RC3H2: variants seen among roughly 807,000 people sequenced by gnomAD.
RC3H2 encodes ring finger and CCCH-type domains 2.
A neutral mutation model predicts 133.3 loss-of-function variants in RC3H2; 31 were observed. The ratio of observed to expected loss-of-function variants is 0.23; its 90% CI spans 0.17 to 0.31. The LOEUF is 0.31. Among genes scored for constraint, RC3H2 ranks in the 10% least tolerant of loss-of-function variants. The pLI is 1.00. For missense variants in RC3H2, 1,175 were observed against 1,437.2 expected (o/e 0.82, Z 2.95); for synonymous variants, 517 against 502.2 (o/e 1.03, Z -0.40).
rs1220680871 is a variant in RC3H2, at chr9:122,860,126, A to G, written c.1640T>C (p.Ile547Thr). ...TACAGGAGTCTTGGGTGGAGAACCA[A>G]TTTTACTGGAGAGAAAATTTAACAA... ...PSADSVTENK[I>T]GSPPKTPVSN... The change falls in exon 11 of 21, where the codon ATT (isoleucine) becomes ACT (threonine). Residue 547 changes from isoleucine to threonine, a missense_variant. By Grantham distance (89) the Ile-to-Thr change is moderately conservative. Around this residue, in one of 8 missense-constraint regions of RC3H2, gnomAD observed 490 missense variants for 492.8 expected, o/e 0.99. Transcript: ENST00000357244. 7 of 1,613,006 alleles carry G rather than the reference A, an allele frequency of 4.3e-6. No individual in the cohort carries two copies. Among genetic ancestry groups the G allele is most frequent in the African/African-American group, 1.3e-5 (1 of 74,882 alleles).
chr9:122,866,027 G>C (rs1288302165), intron 9 of RC3H2, among the ~76,000 whole-genome samples: 1 of 152,080 alleles, frequency 6.6e-6, no homozygotes, highest in Non-Finnish European at 1.5e-5. Context: ...AAAAATGACA[G>C]GAACTGGCAA....
intron 9 of RC3H2, among the ~76,000 whole-genome samples, chr9:122,873,345 A>G (rs543751788): frequency 2.5e-4 from 38 of 152,296 alleles, no homozygotes; most frequent in African/African-American, 9.1e-4. Flanking sequence ...TAAGAACTGT[A>G]TATTATTTGC....
chr9:122,874,119 AGAG>A (rs1443231640), intron 9 of RC3H2: 6 of 152,236 alleles, frequency 3.9e-5, no homozygotes, highest in South Asian at 2.1e-4. Flanking sequence ...ATCCAGATAA[AGAG>A]GAGAGAGAAA....
At chr9:122,872,745 C>T (rs1004543784) in intron 9 of RC3H2, among the ~76,000 whole-genome samples, 4 of 152,092 alleles carry the variant, frequency 2.6e-5, no homozygotes, top group African/African-American at 9.7e-5. Context: ...CCACCATGCC[C>T]GGCTAATTTT....
At chr9:122,872,008 G>A (rs1831124229) in intron 9 of RC3H2, among the ~76,000 whole-genome samples, 1 of 151,898 alleles carries the variant, frequency 6.6e-6, no homozygotes, top group South Asian at 2.1e-4. Flanking sequence ...AAACTCCTGA[G>A]CTCAAGTGAT....
At chr9:122,870,735 C>A (rs1831049904) in intron 9 of RC3H2, among the ~76,000 whole-genome samples, 1 of 152,144 alleles carries the variant, frequency 6.6e-6, no homozygotes, top group South Asian at 2.1e-4. Context: ...CTTTTTAAAT[C>A]CCTTCTTACC....
At chr9:122,888,348 T>C (rs1564313496) in intron 4 of RC3H2, among the ~76,000 whole-genome samples, 1 of 152,216 alleles carries the variant, frequency 6.6e-6, no homozygotes, top group Non-Finnish European at 1.5e-5. Flanking sequence ...ATTTAAAAAA[T>C]ATTTAAAGTT....
At chr9:122,852,936 GA>G (rs1830107183) in intron 18 of RC3H2, among the ~76,000 whole-genome samples, 1 of 152,200 alleles carries the variant, frequency 6.6e-6, no homozygotes, top group Non-Finnish European at 1.5e-5. Context: ...TTGTGGAATA[GA>G]AAGGGGGGAA....
intron 4 of RC3H2, among the ~76,000 whole-genome samples, chr9:122,883,784 C>A (rs1831762169): frequency 6.6e-6 from 1 of 151,908 alleles, no homozygotes; most frequent in South Asian, 2.1e-4. Context: ...GAGTTTGAGA[C>A]CAGTTTGGGT....
At position 122,905,294 on chromosome 9, in the gene RC3H2, C is replaced by T. The variant is rs989330675; in HGVS notation, c.-252G>A. The T allele has an allele frequency of 9.1e-6, 9 of 985,588 alleles. No individual in the cohort carries two copies. The highest frequency in any genetic ancestry group is 1.1e-5 in the Non-Finnish European group (9 of 830,030). The allele number at this position is 985,588 out of a possible 1,614,324, so 61.1% of individuals were successfully genotyped here. ...GGCGAAGGCCGCGACGGGGCCTCCT[C>T]CTCCTCCCTCCACCTCCGCCTCCTC... On this transcript the variant is annotated 5_prime_UTR_variant, in exon 1 of 21. Transcript: ENST00000357244.
intron 9 of RC3H2, among the ~76,000 whole-genome samples, chr9:122,875,716 C>T (rs1403295561): frequency 6.6e-6 from 1 of 152,144 alleles, no homozygotes; most frequent in African/African-American, 2.4e-5. Context: ...AAAGGCAAGG[C>T]TAGGAGTAAC....
At position 122,854,254 on chromosome 9, in the gene RC3H2, A is replaced by G. The variant is rs1452198182; in HGVS notation, c.2913T>C (p.Ile971=). Residue 971 remains isoleucine, a synonymous_variant, in exon 17 of 21, where the codon ATT becomes ATC. Transcript: ENST00000357244. ...SAHYVERDRF[I]VTDLSGHRKH... ...TTCTATGACCAGATAAATCAGTAAC[A>G]ATGAATCTGTCCCTTTAAAGAGAAA... The G allele has an allele frequency of 1.4e-5, 22 of 1,612,364 alleles. No homozygotes were observed. The highest frequency in any genetic ancestry group is 1.9e-5 in the Non-Finnish European group (22 of 1,179,026).
intron 1 of RC3H2, among the ~76,000 whole-genome samples, chr9:122,901,856 T>C (rs1379198949): frequency 1.3e-5 from 2 of 151,832 alleles, no homozygotes; most frequent in African/African-American, 4.8e-5. Flanking sequence ...CCCAAAGTCC[T>C]GGGATTACAG....
At chr9:122,870,548 G>A (rs1167851386) in intron 9 of RC3H2, among the ~76,000 whole-genome samples, 1 of 152,206 alleles carries the variant, frequency 6.6e-6, no homozygotes, top group African/African-American at 2.4e-5. Context: ...CAAGTGACAA[G>A]TAGGGATATA....
At chr9:122,866,485 G>GGCTCACTGCAACCTCCCT (rs572079044) in intron 9 of RC3H2, among the ~76,000 whole-genome samples, 3,265 of 150,910 alleles carry the variant, frequency 0.022, 61 homozygotes, top group Non-Finnish European at 0.035. Flanking sequence ...CTGCCATCTC[G>GGCTCACTGCAACCTCCCT]GCTCACTGCA....
intron 18 of RC3H2, among the ~76,000 whole-genome samples, chr9:122,851,806 G>T: frequency 6.6e-6 from 1 of 152,218 alleles, no homozygotes; most frequent in Non-Finnish European, 1.5e-5. Flanking sequence ...GTGCTCAATG[G>T]CGCCCAGGCT....
chr9:122,902,518 G>A (rs1832695422), intron 1 of RC3H2, among the ~76,000 whole-genome samples: 1 of 152,094 alleles, frequency 6.6e-6, no homozygotes, highest in African/African-American at 2.4e-5. Flanking sequence ...TATAATCCGA[G>A]TAATTTTTAA....
chr9:122,892,460 G>A (rs1367903833), intron 3 of RC3H2, among the ~76,000 whole-genome samples: 1 of 151,624 alleles, frequency 6.6e-6, no homozygotes, highest in Non-Finnish European at 1.5e-5. Context: ...GCCCCAGGCT[G>A]GAGTGCAGTG....
In RC3H2 at chr9:122,846,835, C is replaced by T. The variant is rs1027952084; in HGVS notation, c.*2792G>A. ...TAGGTCTGATTTGTAACATTTTCCT[C>T]GATGATATCAGTAGGTACCATTCTG... On this transcript the variant is annotated 3_prime_UTR_variant, in exon 21 of 21. Coordinates refer to ENST00000357244, the MANE Select transcript of RC3H2 (RefSeq NM_001100588.3). The T allele has an allele frequency of 4.6e-5, 7 of 152,056 alleles. No individual in the cohort carries two copies. The highest frequency in any genetic ancestry group is 2.6e-4 in the Admixed American group (4 of 15,270). The allele number at this position is 152,056 out of a possible 1,614,324, so 9.4% of individuals were successfully genotyped here.
Sources: gnomAD v4.1 joint callset for allele counts (sites outside exome capture counted in the v4.1 genomes callset) on GRCh38, gnomAD v4.1.1 for gene constraint, gnomAD v4.1.1 regional missense constraint, MANE v1.5 for transcripts, NCBI Gene and HGNC (gene_info 2026-07-23, HGNC 2026-07-21) for gene names.